REPS2: variants seen among roughly 807,000 people sequenced by gnomAD.
REPS2 encodes the protein RALBP1 associated Eps domain containing 2, also known as ralBP1-associated Eps domain-containing protein 2.
Under a neutral mutation model 53.6 loss-of-function variants are expected in REPS2, and 23 were observed. The observed-to-expected ratio is 0.43, with a 90% CI of 0.31 to 0.61. The LOEUF (loss-of-function observed/expected upper bound fraction) is 0.61, where lower values mean the gene tolerates loss of function less well. Among genes scored for constraint, REPS2 ranks in the 20% least tolerant of loss-of-function variants. The pLI, the probability that REPS2 is intolerant of heterozygous loss-of-function variation, is 0.11. For synonymous variants in REPS2, 238 were observed against 218.6 expected (o/e 1.09, Z -0.78); for missense variants, 446 against 534.9 (o/e 0.83, Z 1.64).
chrX:17,081,602 A>G (rs1402716586), intron 13 of REPS2, among the ~76,000 whole-genome samples: 1 of 112,597 alleles, frequency 8.9e-6, no homozygotes, highest in East Asian at 2.8e-4. Context: ...TGGTGTCTGT[A>G]AAGAGAGTGT....
intron 8 of REPS2, among the ~76,000 whole-genome samples, chrX:17,056,803 A>G (rs1420218565): frequency 8.9e-6 from 1 of 112,636 alleles, no homozygotes; most frequent in East Asian, 2.8e-4. Context: ...AACTACAATC[A>G]GATGAAGATA....
chrX:17,159,797 A>G, the REPS2 span, among the ~76,000 whole-genome samples: 1 of 111,718 alleles, frequency 9.0e-6, no homozygotes, highest in Non-Finnish European at 1.9e-5. Flanking sequence ...TCCCACCACC[A>G]GCCCACTCTT....
At chrX:17,081,357 C>T (rs1355730696) in intron 13 of REPS2, among the ~76,000 whole-genome samples, 1 of 111,569 alleles carries the variant, frequency 9.0e-6, no homozygotes, top group Admixed American at 9.5e-5. Context: ...AAGGAATAAG[C>T]AGGAAATAGA....
At chrX:17,180,454 C>T in the REPS2 span, among the ~76,000 whole-genome samples, 1 of 111,080 alleles carries the variant, frequency 9.0e-6, no homozygotes, top group Non-Finnish European at 1.9e-5. Context: ...GCCTACTTTG[C>T]AGTGTAATTG....
At chrX:17,136,999 A>G (rs1225150646) in intron 16 of REPS2, 1 of 112,767 alleles carries the variant, frequency 8.9e-6, no homozygotes, top group Non-Finnish European at 1.9e-5. Context: ...ATAATATTCC[A>G]TTGTATGGAT....
chrX:17,031,192 T>G (rs1378192024), intron 5 of REPS2, among the ~76,000 whole-genome samples: 1 of 112,362 alleles, frequency 8.9e-6, no homozygotes, highest in Non-Finnish European at 1.9e-5. Context: ...GATTTATCCC[T>G]AAGCTCTCCA....
chrX:16,968,769 G>A (rs867414300), intron 1 of REPS2, among the ~76,000 whole-genome samples: 80 of 106,326 alleles, frequency 7.5e-4, no homozygotes, highest in African/African-American at 1.6e-3. Flanking sequence ...CAGTAGGGGC[G>A]GCCGGGCAGA....
At chrX:16,991,846 G>T (rs1181762091) in intron 1 of REPS2, among the ~76,000 whole-genome samples, 1 of 111,574 alleles carries the variant, frequency 9.0e-6, no homozygotes, top group South Asian at 3.8e-4. Flanking sequence ...GCCAGGGACC[G>T]CCTGCGGCTG....
At chrX:17,079,331 C>T (rs1013757921) in intron 13 of REPS2, among the ~76,000 whole-genome samples, 3 of 111,663 alleles carry the variant, frequency 2.7e-5, no homozygotes, top group African/African-American at 9.8e-5. Flanking sequence ...ACCCCGACTT[C>T]CTTGACCCCT....
chrX:16,955,977 C>T (rs1452199619), intron 1 of REPS2, among the ~76,000 whole-genome samples: 2 of 112,307 alleles, frequency 1.8e-5, no homozygotes, highest in African/African-American at 6.5e-5. Context: ...CGTAATTCAT[C>T]CTAAGTAGAA....
rs188354678 is a variant in REPS2, at chrX:17,123,235, C to T, written c.1579-10589C>T. ...AGAATCCTGCTTTAGATCACCTTAC[C>T]TGTGAGGCTCATGTTGTTGACTCTG... is the stretch of plus-strand genomic sequence containing the variant. On this transcript the variant is annotated intron_variant, in intron 14 of 17. Coordinates refer to ENST00000357277, the MANE Select transcript of REPS2 (RefSeq NM_004726.3). Among the ~76,000 whole-genome samples, 498 of 111,444 alleles carry T rather than the reference C, an allele frequency of 4.5e-3. 3 individuals carry two copies. Among genetic ancestry groups the T allele is most frequent in the Admixed American group, 8.7e-3 (91 of 10,520 alleles).
At chrX:17,155,569 C>T (rs918242039), downstream of REPS2, among the ~76,000 whole-genome samples, 12 of 111,627 alleles carry the variant, frequency 1.1e-4, no homozygotes, top group African/African-American at 3.9e-4. Context: ...CATAAACCAC[C>T]CTGAGATTAC....
intron 8 of REPS2, among the ~76,000 whole-genome samples, chrX:17,060,069 G>A (rs1369926207): frequency 9.0e-6 from 1 of 110,865 alleles, no homozygotes; most frequent in African/African-American, 3.3e-5. Flanking sequence ...GGGAAGCTGA[G>A]GCAGGAGGAT....
At chrX:16,967,751 C>A (rs2060789915) in intron 1 of REPS2, among the ~76,000 whole-genome samples, 1 of 110,941 alleles carries the variant, frequency 9.0e-6, no homozygotes, top group African/African-American at 3.3e-5. Context: ...CTTTCTTCCA[C>A]TAAACGTTTC....
At chrX:17,181,666 T>C in the REPS2 span, among the ~76,000 whole-genome samples, 2 of 112,394 alleles carry the variant, frequency 1.8e-5, no homozygotes, top group African/African-American at 6.5e-5. Context: ...GGTTGATCCA[T>C]AGTTAGCTTT....
chrX:17,132,084 T>C (rs1480378041), intron 14 of REPS2, among the ~76,000 whole-genome samples: 2 of 111,890 alleles, frequency 1.8e-5, no homozygotes, highest in Middle Eastern at 4.6e-3. Context: ...AAGTCTTCAT[T>C]TGGTACCCTG....
chrX:17,009,828 G>T (rs1428510126), intron 2 of REPS2, among the ~76,000 whole-genome samples: 1 of 110,497 alleles, frequency 9.1e-6, no homozygotes, highest in Non-Finnish European at 1.9e-5. Context: ...AACATTCAAA[G>T]TCCCTACACT....
intron 13 of REPS2, among the ~76,000 whole-genome samples, chrX:17,101,702 C>T (rs1340520116): frequency 8.9e-6 from 1 of 112,238 alleles, no homozygotes; most frequent in East Asian, 2.8e-4. Flanking sequence ...TAATAACTCT[C>T]AAGGCAGTGA....
chrX:17,142,974 A>G (rs1032492292), intron 17 of REPS2, among the ~76,000 whole-genome samples: 8 of 112,793 alleles, frequency 7.1e-5, no homozygotes, highest in Non-Finnish European at 1.5e-4. Context: ...GGATACATTC[A>G]TACAATGGAA....
Sources: allele counts gnomAD v4.1 joint callset (sites outside exome capture counted in the v4.1 genomes callset), GRCh38; gene constraint gnomAD v4.1.1; transcripts MANE v1.5; gene names NCBI Gene and HGNC (gene_info 2026-07-23, HGNC 2026-07-21).